SMC6: variants seen among roughly 807,000 people sequenced by gnomAD.
SMC6 encodes the protein structural maintenance of chromosomes 6, also known as structural maintenance of chromosomes protein 6.
In SMC6, 79 loss-of-function variants were observed where a neutral mutation model predicts 142.2. The ratio of observed to expected loss-of-function variants is 0.56; its 90% CI spans 0.46 to 0.67. The LOEUF (loss-of-function observed/expected upper bound fraction) is 0.67, where lower values mean the gene tolerates loss of function less well. SMC6 is among the 30% of genes least tolerant of loss of function. SMC6 has a pLI of 0.00. For synonymous variants in SMC6, 411 were observed against 412.4 expected (o/e 1.00, Z 0.04); for missense variants, 1,072 against 1,284.0 (o/e 0.83, Z 2.52).
At chr2:17,736,964 C>CTAT (rs1670186443) in intron 5 of SMC6, among the ~76,000 whole-genome samples, 1 of 151,976 alleles carries the variant, frequency 6.6e-6, no homozygotes, top group Non-Finnish European at 1.5e-5. Flanking sequence ...AGAGTTGATA[C>CTAT]TATTAACTTA....
intron 2 of SMC6, among the ~76,000 whole-genome samples, chr2:17,747,337 T>G (rs1670803228): frequency 6.6e-6 from 1 of 152,082 alleles, no homozygotes; most frequent in Non-Finnish European, 1.5e-5. Context: ...GCTAAGGAAA[T>G]AGCTCCAAGT....
At position 17,664,589 on chromosome 2, in the gene SMC6, A is replaced by C. The variant is rs1195457224; in HGVS notation, c.*910T>G. Reference sequence around the variant, plus strand: ...GTTTTCTAAAATAAAAAGTTCATAAATATCATTTTTTACAATAACTATATT... The same window carrying C: ...GTTTTCTAAAATAAAAAGTTCATAACTATCATTTTTTACAATAACTATATT... On this transcript the variant is annotated 3_prime_UTR_variant, in exon 28 of 28. Transcript: ENST00000448223. 1 of 152,234 alleles carries C rather than the reference A, an allele frequency of 6.6e-6. No individual in the cohort carries two copies. The highest frequency in any genetic ancestry group is 2.4e-5 in the African/African-American group (1 of 41,466). The allele number at this position is 152,234 out of a possible 1,614,324, so 9.4% of individuals were successfully genotyped here.
chr2:17,751,952 A>T (rs1671061331), intron 2 of SMC6, among the ~76,000 whole-genome samples: 1 of 152,252 alleles, frequency 6.6e-6, no homozygotes, highest in Non-Finnish European at 1.5e-5. Flanking sequence ...TACACTCAGT[A>T]AAATAAACCT....
Position 17,700,302 on chromosome 2 carries a change from T to A in SMC6, c.2300A>T (p.Glu767Val). ...EHMEQQKENM[E>V]HLKSLKIEAE... ...TTCTATTTTCAGACTTTTAAGATGC[T>A]CCATATTTTCTTTTTGTTGCTCCAT... The change falls in exon 21 of 28, where the codon GAG (glutamate) becomes GTG (valine). Residue 767 changes from glutamate (E) to valine (V), a missense_variant. By Grantham distance (121) the Glu-to-Val change is moderately radical (BLOSUM62 -2). Around this residue, in one of 3 missense-constraint regions of SMC6, gnomAD observed 994 missense variants for 1,153.2 expected, o/e 0.86. Coordinates refer to ENST00000448223, the MANE Select transcript of SMC6 (RefSeq NM_001142286.2). 6.2e-7 allele frequency: 1 copy of A among 1,611,568 alleles called. No homozygotes were observed. Among genetic ancestry groups the A allele is most frequent in the Non-Finnish European group, 8.5e-7 (1 of 1,178,870 alleles).
chr2:17,716,149 G>C lies in SMC6; in HGVS notation c.1462C>G (p.Leu488Val). ...CTATAAGCATCATCTATGGCTTCAA[G>C]AAGAGCTGGAACATTAGGGCCAAAT... ...KRFGPNVPALLEAIDDAYRQG... is the reference protein window; with the variant it reads ...KRFGPNVPALVEAIDDAYRQG... The change falls in exon 15 of 28, where the codon CTT (leucine) becomes GTT (valine). Residue 488 changes from leucine to valine, a missense_variant. This residue lies in a region of SMC6 where 994 missense variants were observed against 1,153.2 expected (regional missense o/e 0.86). Coordinates refer to ENST00000448223, the MANE Select transcript of SMC6 (RefSeq NM_001142286.2). 6.2e-7 allele frequency: 1 copy of C among 1,611,364 alleles called. No individual in the cohort carries two copies. The highest frequency in any genetic ancestry group is 8.5e-7 in the Non-Finnish European group (1 of 1,179,342).
chr2:17,753,259 C>G (rs1398084011), intron 1 of SMC6, among the ~76,000 whole-genome samples, 195 bp from the exon 2 acceptor site: 1 of 117,478 alleles, frequency 8.5e-6, no homozygotes, highest in African/African-American at 3.6e-5. Context: ...AAGAGCCACT[C>G]CCTACCCCAG....
intron 23 of SMC6, among the ~76,000 whole-genome samples, chr2:17,684,022 T>TGCCCTGGTACGGCCTAGA (rs1667341473): frequency 1.3e-5 from 2 of 152,156 alleles, no homozygotes. Flanking sequence ...TGTGAACAAA[T>TGCCCTGGTACGGCCTAGA]GCCCTGGTAC....
Position 17,695,313 on chromosome 2 carries a change from T to C in SMC6, c.2533-16A>G, listed in dbSNP as rs1667938211. 2 of 1,606,372 alleles carry C rather than the reference T, an allele frequency of 1.2e-6. No homozygotes were observed. The highest frequency in any genetic ancestry group is 1.3e-5 in the African/African-American group (1 of 74,646). The stretch of plus-strand genomic sequence containing the variant: ...ACATTTTCTCCTAAGAAAGTAGATG[T>C]TTATATCTTTAAAACTCTTCTTTGA... On this transcript the variant is annotated splice_polypyrimidine_tract_variant and intron_variant, in intron 22 of 27. Transcript: ENST00000448223.
intron 21 of SMC6, among the ~76,000 whole-genome samples, chr2:17,697,552 A>T (rs1240666040): frequency 6.6e-6 from 1 of 152,128 alleles, no homozygotes; most frequent in Admixed American, 6.5e-5. Context: ...ATTTAAAAAG[A>T]CATTTCCCCA....
chr2:17,726,564 C>T, intron 7 of SMC6, 95 bp from the exon 8 acceptor site: 1 of 966,052 alleles, frequency 1.0e-6, no homozygotes, highest in Non-Finnish European at 1.5e-6. Context: ...CCTATGGTGC[C>T]ATCAGGAAGG....
chr2:17,698,053 A>G (rs1249942918), intron 21 of SMC6, among the ~76,000 whole-genome samples: 3 of 152,094 alleles, frequency 2.0e-5, no homozygotes, highest in Admixed American at 1.3e-4. Context: ...CACATACTAT[A>G]TGATTCTACT....
intron 2 of SMC6, among the ~76,000 whole-genome samples, chr2:17,751,247 G>A (rs1281187259): frequency 9.2e-5 from 14 of 151,804 alleles, no homozygotes; most frequent in Admixed American, 6.6e-4. Context: ...TTGGGAGGCC[G>A]AGATGGATGG....
At chr2:17,753,130 T>C (rs577436727) in intron 1 of SMC6, 66 bp from the exon 2 acceptor site, 1 of 558,772 alleles carries the variant, frequency 1.8e-6, no homozygotes, top group Non-Finnish European at 2.3e-6. Context: ...TTTTTCTAGG[T>C]AATACAATTT....
At chr2:17,735,849 G>C (rs1210842115) in intron 5 of SMC6, among the ~76,000 whole-genome samples, 2 of 152,148 alleles carry the variant, frequency 1.3e-5, no homozygotes, top group Non-Finnish European at 2.9e-5. Flanking sequence ...AAGGAGAGTT[G>C]AAATATCCCA....
chr2:17,695,276 G>A lies in SMC6; in HGVS notation c.2554C>T (p.Gln852Ter). Residue 852 changes from glutamine to a stop codon, truncating the protein, a stop_gained, in exon 23 of 28, where the codon CAA becomes TAA. Transcript: ENST00000448223. LOFTEE classifies it high-confidence loss of function. The part of the protein sequence containing the change: ...ELEEKMSQAR[Q>*]ICPERIEVEK... The stretch of plus-strand genomic sequence containing the variant: ...ACTTCTATACGCTCTGGGCAGATTT[G>A]TCTTGCTTGTGACATTTTCTCCTAA... The A allele has an allele frequency of 1.2e-6, 2 of 1,612,270 alleles. No homozygotes were observed. The highest frequency in any genetic ancestry group is 1.7e-6 in the Non-Finnish European group (2 of 1,179,572).
At chr2:17,676,170 T>A (rs980184628) in intron 25 of SMC6, among the ~76,000 whole-genome samples, 12 of 152,296 alleles carry the variant, frequency 7.9e-5, no homozygotes, top group Admixed American at 7.8e-4. Flanking sequence ...CACTTTTCAG[T>A]TTTAGAATAT....
chr2:17,666,874 C>T (rs990515891), intron 26 of SMC6, among the ~76,000 whole-genome samples: 4 of 151,706 alleles, frequency 2.6e-5, no homozygotes, highest in Non-Finnish European at 5.9e-5. Context: ...CCTAGCTACT[C>T]GGGAGGCCGA....
chr2:17,751,433 A>C (rs1391413429), intron 2 of SMC6, among the ~76,000 whole-genome samples: 3 of 151,114 alleles, frequency 2.0e-5, no homozygotes, highest in African/African-American at 7.3e-5. Flanking sequence ...ACTGCACTCC[A>C]ACCTCGGCGA....
intron 2 of SMC6, among the ~76,000 whole-genome samples, chr2:17,752,514 T>A (rs138317593): frequency 6.6e-6 from 1 of 152,342 alleles, no homozygotes; most frequent in Non-Finnish European, 1.5e-5. Flanking sequence ...ACCAACCTGC[T>A]CAGAGTCACA....
Sources: allele counts gnomAD v4.1 joint callset (sites outside exome capture counted in the v4.1 genomes callset), GRCh38; gene constraint gnomAD v4.1.1; regional missense constraint gnomAD v4.1.1; transcripts MANE v1.5; gene names NCBI Gene and HGNC (gene_info 2026-07-23, HGNC 2026-07-21).